ANKRD30B: variants seen among roughly 807,000 people sequenced by gnomAD.
ANKRD30B encodes the protein ankyrin repeat domain-containing protein 30B.
A neutral mutation model predicts 202.2 loss-of-function variants in ANKRD30B; 144 were observed. The ratio of observed to expected loss-of-function variants is 0.71; its 90% CI spans 0.62 to 0.82. The LOEUF is 0.82. Ranked by LOEUF, ANKRD30B falls within the 40% of genes least tolerant of loss-of-function variation. ANKRD30B has a pLI of 0.00. For synonymous variants in ANKRD30B, 508 were observed against 561.3 expected, an observed-to-expected ratio of 0.91 and a Z score of 1.34; for missense variants, 1,487 against 1,669.1, an observed-to-expected ratio of 0.89 and a Z score of 1.90.
At chr18:14,862,474 C>T in the ANKRD30B span, among the ~76,000 whole-genome samples, 1 of 152,188 alleles carries the variant, frequency 6.6e-6, no homozygotes, top group Admixed American at 6.5e-5. Flanking sequence ...AAAAGATCCT[C>T]AGAATATGTT....
At chr18:14,842,255 C>G (rs1165188325) in intron 37 of ANKRD30B, among the ~76,000 whole-genome samples, 1 of 152,080 alleles carries the variant, frequency 6.6e-6, no homozygotes, top group Non-Finnish European at 1.5e-5. Flanking sequence ...ATGAGTGAAT[C>G]AAGAAAATTT....
At chr18:14,783,699 A>G (rs753771431) in intron 12 of ANKRD30B, among the ~76,000 whole-genome samples, 1 of 152,148 alleles carries the variant, frequency 6.6e-6, no homozygotes, top group Non-Finnish European at 1.5e-5. Context: ...AAATATGTCA[A>G]TATTGAAAGC....
chr18:14,850,771 T>C (rs1448369526), intron 41 of ANKRD30B, among the ~76,000 whole-genome samples: 1 of 151,890 alleles, frequency 6.6e-6, no homozygotes, highest in Non-Finnish European at 1.5e-5. Context: ...TAGGGCTCTC[T>C]AGATTTTATC....
chr18:14,848,031 T>C (rs1971725060), intron 39 of ANKRD30B, among the ~76,000 whole-genome samples: 1 of 152,132 alleles, frequency 6.6e-6, no homozygotes, highest in African/African-American at 2.4e-5. Flanking sequence ...TACCAGACTC[T>C]AAGATTTATC....
the ANKRD30B span, among the ~76,000 whole-genome samples, chr18:14,890,427 C>T: frequency 2.6e-5 from 4 of 151,564 alleles, no homozygotes; most frequent in Non-Finnish European, 5.9e-5. Context: ...ACTCATACCA[C>T]ATGCCAAGGA....
rs1157934067 is a variant in ANKRD30B at position 14,790,398 on chromosome 18, A to T, written c.1735-1003A>T. Among the ~76,000 whole-genome samples, 8 of 152,218 alleles carry T rather than the reference A, an allele frequency of 5.3e-5. No individual in the cohort carries two copies. In the East Asian group the frequency reaches 1.2e-3, roughly 22 times the overall value. ...CCCTTTATTTCCTTCTCCTGCCTAA[A>T]TGCCCTGGCCAGAACTTACAACACT... On this transcript the variant is annotated intron_variant, in intron 15 of 43. Transcript: ENST00000690538.
chr18:14,915,993 C>A, the ANKRD30B span, among the ~76,000 whole-genome samples: 1 of 152,200 alleles, frequency 6.6e-6, no homozygotes, highest in Non-Finnish European at 1.5e-5. Flanking sequence ...AGGTTATCTG[C>A]AAACACTACA....
the ANKRD30B span, among the ~76,000 whole-genome samples, chr18:14,872,711 C>T: frequency 1.3e-5 from 2 of 152,150 alleles, no homozygotes; most frequent in African/African-American, 4.8e-5. Context: ...ATGCTCCCCA[C>T]ACATGGAATC....
At chr18:14,907,238 C>G in the ANKRD30B span, among the ~76,000 whole-genome samples, 1 of 151,680 alleles carries the variant, frequency 6.6e-6, no homozygotes, top group Non-Finnish European at 1.5e-5. Flanking sequence ...GTGCCCTGGC[C>G]TAGGAGGAAT....
intron 24 of ANKRD30B, among the ~76,000 whole-genome samples, chr18:14,804,720 G>A (rs1424692078): frequency 6.6e-6 from 1 of 150,670 alleles, no homozygotes; most frequent in Non-Finnish European, 1.5e-5. Flanking sequence ...GAAGAAAGGG[G>A]CAATGGAATA....
intron 30 of ANKRD30B, chr18:14,817,117 C>T (rs1321434011): frequency 6.6e-6 from 1 of 152,094 alleles, no homozygotes; most frequent in Non-Finnish European, 1.5e-5. Context: ...TTTTACTTTG[C>T]ACTACGTTTA....
chr18:14,820,229 C>T (rs1354749677), intron 30 of ANKRD30B, among the ~76,000 whole-genome samples: 3 of 152,120 alleles, frequency 2.0e-5, no homozygotes, highest in Non-Finnish European at 4.4e-5. Flanking sequence ...TGAGACTTTG[C>T]TGAATTTGCT....
At chr18:14,939,081 G>A in the ANKRD30B span, among the ~76,000 whole-genome samples, 2 of 152,190 alleles carry the variant, frequency 1.3e-5, no homozygotes, top group African/African-American at 2.4e-5. Context: ...CTTACTCATC[G>A]TCTGTCTCTT....
the ANKRD30B span, among the ~76,000 whole-genome samples, chr18:14,939,066 T>C: frequency 6.6e-6 from 1 of 152,154 alleles, no homozygotes; most frequent in African/African-American, 2.4e-5. Context: ...TGCTTTTGAA[T>C]CCATCTTACT....
At chr18:14,879,898 T>C in the ANKRD30B span, among the ~76,000 whole-genome samples, 1 of 152,276 alleles carries the variant, frequency 6.6e-6, no homozygotes. Flanking sequence ...AAGTCCCAGC[T>C]ATTTATCTTT....
In ANKRD30B at chr18:14,851,237, G is replaced by GTT. The variant is rs375734323; in HGVS notation, c.3565-259_3565-258dup. Among the ~76,000 whole-genome samples the GTT allele has an allele frequency of 3.7e-3, 528 of 141,176 alleles. 7 individuals carry two copies. The East Asian group carries it at 0.047, about 13-fold the overall frequency. 92.6% of individuals were successfully genotyped at this position (141,176 alleles called of 152,430 possible). The stretch of plus-strand genomic sequence containing the variant: ...TTGAGCTTGTTGTAATTCAGGGAAA[G>GTT]TTTTTTTTTTTTTTCAATTCTGAGG... On this transcript the variant is annotated intron_variant, in intron 41 of 43. Transcript: ENST00000690538.
chr18:14,909,500 C>T, the ANKRD30B span, among the ~76,000 whole-genome samples: 2 of 152,094 alleles, frequency 1.3e-5, no homozygotes, highest in Non-Finnish European at 2.9e-5. Flanking sequence ...CTCCGCCTCC[C>T]GGATTCAAGT....
chr18:14,878,320 G>A, the ANKRD30B span, among the ~76,000 whole-genome samples: 2 of 152,048 alleles, frequency 1.3e-5, no homozygotes, highest in African/African-American at 2.4e-5. Context: ...TAGAAATGAG[G>A]GCCTGGCTAA....
At chr18:14,904,622 C>T in the ANKRD30B span, among the ~76,000 whole-genome samples, 2 of 152,268 alleles carry the variant, frequency 1.3e-5, no homozygotes, top group Admixed American at 6.5e-5. Context: ...CTTAATCCCC[C>T]CCATCTCATC....
Sources: allele counts gnomAD v4.1 joint callset (sites outside exome capture counted in the v4.1 genomes callset), GRCh38; gene constraint gnomAD v4.1.1; transcripts MANE v1.5; gene names NCBI Gene and HGNC (gene_info 2026-07-23, HGNC 2026-07-21).